DYNLT2B: variants seen among roughly 807,000 people sequenced by gnomAD.
DYNLT2B encodes the protein dynein light chain Tctex-type 2B.
In DYNLT2B, 14 loss-of-function variants were observed where a neutral mutation model predicts 19.5. The observed-to-expected ratio is 0.72, with a 90% CI of 0.47 to 1.12. The LOEUF (loss-of-function observed/expected upper bound fraction) is 1.12. DYNLT2B is among the 50% of genes most tolerant of loss of function. The probability of loss-of-function intolerance (pLI) is 0.00; values close to 1 mark genes in which losing one functional copy is unlikely to be tolerated. For synonymous variants in DYNLT2B, 70 were observed against 59.7 expected (o/e 1.17, Z -0.79); for missense variants, 133 against 174.7 (o/e 0.76, Z 1.35).
rs1281221238 is a variant in DYNLT2B at position 196,317,032 on chromosome 3, G to A, written c.114-801C>T. On this transcript the variant is annotated intron_variant, in intron 1 of 4. Coordinates refer to ENST00000325318, the MANE Select transcript of DYNLT2B (RefSeq NM_152773.5). ...CTGACATTTTTTTCAGTGTGTGTGT[G>A]TGTGTGTGTGTGTTGTGTGGTGTGT... 1.7e-4 allele frequency among the ~76,000 whole-genome samples: 22 copies of A among 125,942 alleles called. 1 individual carries two copies. The highest frequency in any genetic ancestry group is 1.2e-3 in the Admixed American group (14 of 11,762). 82.6% of individuals were successfully genotyped at this position (125,942 alleles called of 152,430 possible). A position where few individuals can be genotyped will look rare whatever the true frequency, so the allele number is the denominator to read the frequency against.
At chr3:196,297,227 T>C (rs759318803) in intron 3 of DYNLT2B, among the ~76,000 whole-genome samples, 2 of 151,562 alleles carry the variant, frequency 1.3e-5, no homozygotes, top group Non-Finnish European at 2.9e-5. Flanking sequence ...CAATATAATG[T>C]TGAGTGAAAA....
In DYNLT2B at chr3:196,316,227, T is replaced by C. The variant is rs1223006970; in HGVS notation, c.118A>G (p.Arg40Gly). The change falls in exon 2 of 5, where the codon AGG (arginine) becomes GGG (glycine). Residue 40 changes from arginine to glycine, a missense_variant. Transcript: ENST00000325318. The stretch of plus-strand genomic sequence containing the variant: ...ATACAGTCTTTAACCACAGAGGGCC[T>C]GAACCTGAATGGAACAATTTGTGAA... ...ILRPVFQQRF[R>G]PSVVKDCIHA... 1 of 1,605,676 alleles carries C rather than the reference T, an allele frequency of 6.2e-7. No homozygotes were observed. The highest frequency in any genetic ancestry group is 1.3e-5 in the African/African-American group (1 of 74,896).
chr3:196,313,091 G>C (rs1219135496), intron 2 of DYNLT2B, among the ~76,000 whole-genome samples: 4 of 152,092 alleles, frequency 2.6e-5, no homozygotes, highest in African/African-American at 9.7e-5. Flanking sequence ...TCCAGTTACA[G>C]AATGAATATG....
At position 196,318,127 on chromosome 3, in the gene DYNLT2B, A is replaced by G. The variant is rs200176949; in HGVS notation, c.26T>C (p.Phe9Ser). 34 of 1,553,354 alleles carry G rather than the reference A, an allele frequency of 2.2e-5. No individual in the cohort carries two copies. The East Asian group carries it at 7.3e-4, about 33-fold the overall frequency. ...CTCAGGCACCCCGTCGCCCACCGAG[A>G]AGGACACTCCGATGGACGTGGCCAT... is the stretch of plus-strand genomic sequence containing the variant. MATSIGVS[F>S]SVGDGVPEAE... Residue 9 changes from phenylalanine (F) to serine (S), a missense_variant, in exon 1 of 5, where the codon TTC becomes TCC. Transcript: ENST00000325318.
At chr3:196,313,459 G>A (rs1183092060) in intron 2 of DYNLT2B, among the ~76,000 whole-genome samples, 2 of 152,128 alleles carry the variant, frequency 1.3e-5, no homozygotes, top group African/African-American at 4.8e-5. Flanking sequence ...ACCTCCAAAA[G>A]TGCTGGAATT....
At chr3:196,314,098 CAAA>C (rs139679685) in intron 2 of DYNLT2B, among the ~76,000 whole-genome samples, 8,395 of 149,258 alleles carry the variant, frequency 0.056, 283 homozygotes, top group South Asian at 0.12. Flanking sequence ...AACTCCATCT[CAAA>C]AAAAAACCTT....
At chr3:196,301,648 G>GGCTGCAGTGAGCAGAGATGGCGCC (rs1242793374) in intron 3 of DYNLT2B, among the ~76,000 whole-genome samples, 46 of 152,242 alleles carry the variant, frequency 3.0e-4, no homozygotes, top group African/African-American at 1.1e-3. Context: ...GGAAGGTGGA[G>GGCTGCAGTGAGCAGAGATGGCGCC]GCTGCAGTGA....
Position 196,299,273 on chromosome 3 carries a change from C to T in DYNLT2B, c.318-3204G>A, listed in dbSNP as rs540224157. Among the ~76,000 whole-genome samples, 23 of 151,928 alleles carry T rather than the reference C, an allele frequency of 1.5e-4. No individual in the cohort carries two copies. In the South Asian group the frequency reaches 4.4e-3, roughly 29 times the overall value. ...CTAATTTTTGTATTTTTAGTAGAGACGGGGTTTCACCATGTTGGGCAGGCT... is the reference window on the plus strand; with the variant it reads ...CTAATTTTTGTATTTTTAGTAGAGATGGGGTTTCACCATGTTGGGCAGGCT... On this transcript the variant is annotated intron_variant, in intron 3 of 4. Transcript: ENST00000325318.
chr3:196,311,505 G>T (rs929750556), intron 2 of DYNLT2B, among the ~76,000 whole-genome samples: 1 of 151,946 alleles, frequency 6.6e-6, no homozygotes, highest in Non-Finnish European at 1.5e-5. Flanking sequence ...TGAAGAAAAG[G>T]AAGTAACGAA....
In DYNLT2B at chr3:196,310,983, G is replaced by C. The variant is rs371528800; in HGVS notation, c.248-3971C>G. On this transcript the variant is annotated intron_variant, in intron 2 of 4. Coordinates refer to ENST00000325318, the MANE Select transcript of DYNLT2B (RefSeq NM_152773.5). ...ACTCCTGAGCTCAGGCAATCCACCC[G>C]CCTCGGCCTCCCAAAGTGCTGGGAT... Among the ~76,000 whole-genome samples, 447 of 151,758 alleles carry C rather than the reference G, an allele frequency of 2.9e-3. 2 individuals carry two copies. Among genetic ancestry groups the C allele is most frequent in the African/African-American group, 0.01 (434 of 41,356 alleles).
At chr3:196,307,068 G>T in intron 2 of DYNLT2B, 56 bp from the exon 3 acceptor site, 2 of 1,510,374 alleles carry the variant, frequency 1.3e-6, no homozygotes, top group African/African-American at 1.4e-5. Context: ...ATTACTTATT[G>T]AAGACAAATT....
At chr3:196,304,408 C>T (rs370814512) in intron 3 of DYNLT2B, among the ~76,000 whole-genome samples, 377 of 152,274 alleles carry the variant, frequency 2.5e-3, no homozygotes, top group African/African-American at 8.7e-3. Flanking sequence ...GCTGAGATTA[C>T]AGGTGGGAGC....
intron 3 of DYNLT2B, among the ~76,000 whole-genome samples, chr3:196,300,102 G>A (rs922768915): frequency 3.3e-5 from 5 of 152,154 alleles, no homozygotes; most frequent in African/African-American, 1.2e-4. Context: ...CCTCTAACTG[G>A]AACAGACGAG....
chr3:196,308,560 T>G (rs1218096450), intron 2 of DYNLT2B, among the ~76,000 whole-genome samples: 2 of 152,210 alleles, frequency 1.3e-5, no homozygotes, highest in Admixed American at 1.3e-4. Flanking sequence ...ATCTTTCTAC[T>G]TTTTTGACCA....
intron 1 of DYNLT2B, among the ~76,000 whole-genome samples, chr3:196,317,021 AGT>A (rs113141859): frequency 0.31 from 13,716 of 44,794 alleles, 2,612 homozygotes; most frequent in East Asian, 0.68. Context: ...CATTTTTTTC[AGT>A]GTGTGTGTGT....
intron 3 of DYNLT2B, among the ~76,000 whole-genome samples, chr3:196,299,535 T>G (rs1726299303): frequency 6.6e-6 from 1 of 152,136 alleles, no homozygotes; most frequent in East Asian, 1.9e-4. Context: ...GTCGGCAGTC[T>G]TAACAAAGCT....
In DYNLT2B at chr3:196,318,131, A is replaced by G; in HGVS notation, c.22T>C (p.Ser8Pro). The G allele has an allele frequency of 6.5e-7, 1 of 1,546,950 alleles. No homozygotes were observed. Among genetic ancestry groups the G allele is most frequent in the Non-Finnish European group, 8.7e-7 (1 of 1,153,398 alleles). The change falls in exon 1 of 5, where the codon TCC becomes CCC. Residue 8 changes from serine to proline, a missense_variant. Physicochemically the swap from Ser to Pro is moderately conservative, Grantham distance 74 (BLOSUM62 -1). Coordinates refer to ENST00000325318, the MANE Select transcript of DYNLT2B (RefSeq NM_152773.5). ...GGCACCCCGTCGCCCACCGAGAAGGACACTCCGATGGACGTGGCCATGCCG... is the reference window on the plus strand; with the variant it reads ...GGCACCCCGTCGCCCACCGAGAAGGGCACTCCGATGGACGTGGCCATGCCG... MATSIGV[S>P]FSVGDGVPEA...
chr3:196,298,520 G>A (rs1278047824), intron 3 of DYNLT2B, among the ~76,000 whole-genome samples: 2 of 151,866 alleles, frequency 1.3e-5, no homozygotes, highest in African/African-American at 4.8e-5. Context: ...CACCATGTGG[G>A]CCAGGCTGGT....
At chr3:196,299,746 G>A (rs1032164496) in intron 3 of DYNLT2B, among the ~76,000 whole-genome samples, 32 of 151,752 alleles carry the variant, frequency 2.1e-4, no homozygotes, top group African/African-American at 5.6e-4. Context: ...CCTGGCTAAC[G>A]TGGTGAAACC....
Sources: gnomAD v4.1 joint callset for allele counts (sites outside exome capture counted in the v4.1 genomes callset) on GRCh38, gnomAD v4.1.1 for gene constraint, MANE v1.5 for transcripts, NCBI Gene and HGNC (gene_info 2026-07-23, HGNC 2026-07-21) for gene names.